KCNMA1: variants seen among roughly 807,000 people sequenced by gnomAD.
The protein encoded by KCNMA1 is potassium calcium-activated channel subfamily M alpha 1.
In KCNMA1, 29 loss-of-function variants were observed where a neutral mutation model predicts 140.0. The ratio of observed to expected loss-of-function variants is 0.21; its 90% CI spans 0.15 to 0.28. The LOEUF (loss-of-function observed/expected upper bound fraction) is 0.28. Ranked by LOEUF, KCNMA1 falls within the 10% of genes least tolerant of loss-of-function variation. KCNMA1 has a pLI of 1.00. For missense variants in KCNMA1, 880 were observed against 1,602.2 expected, an observed-to-expected ratio of 0.55 and a Z score of 7.70; for synonymous variants, 612 against 611.9, an observed-to-expected ratio of 1.00 and a Z score of 0.00.
chr10:76,974,340 G>A, intron 19 of KCNMA1: 1 of 506,730 alleles, frequency 2.0e-6, no homozygotes, highest in South Asian at 3.3e-5. Flanking sequence ...TTCCCTTTTG[G>A]TATTTTGCTG....
At chr10:77,348,856 T>C (rs1051441485) in intron 2 of KCNMA1, among the ~76,000 whole-genome samples, 2 of 152,286 alleles carry the variant, frequency 1.3e-5, no homozygotes, top group East Asian at 1.9e-4. Context: ...TTAGGGCATA[T>C]CTTTGCAAAG....
chr10:76,967,846 T>C (rs7912269), intron 20 of KCNMA1, among the ~76,000 whole-genome samples: 16,844 of 152,080 alleles, frequency 0.11, 1,377 homozygotes, highest in African/African-American at 0.23. Context: ...TGATGTACCA[T>C]GAAACAGACA....
At chr10:77,010,138 G>C (rs2153448503) in intron 18 of KCNMA1, among the ~76,000 whole-genome samples, 1 of 152,272 alleles carries the variant, frequency 6.6e-6, no homozygotes, top group Non-Finnish European at 1.5e-5. Context: ...GGGGTTATTG[G>C]CCTCACCTTT....
chr10:77,499,937 G>A (rs1603630053), intron 1 of KCNMA1, among the ~76,000 whole-genome samples: 1 of 152,178 alleles, frequency 6.6e-6, no homozygotes, highest in Non-Finnish European at 1.5e-5. Context: ...AAGCATGAGT[G>A]TAATATTATG....
chr10:77,295,070 G>A (rs939673575), intron 2 of KCNMA1, among the ~76,000 whole-genome samples: 5 of 151,922 alleles, frequency 3.3e-5, no homozygotes, highest in Admixed American at 2.0e-4. Context: ...GTGTGAGGCC[G>A]GGTGTGGTGG....
chr10:76,964,364 C>G (rs926159828), intron 20 of KCNMA1, among the ~76,000 whole-genome samples: 2 of 152,128 alleles, frequency 1.3e-5, no homozygotes, highest in Admixed American at 1.3e-4. Context: ...GTTTGGGAGA[C>G]AGCCTGGGAG....
chr10:76,872,804 T>G (rs1467467016), downstream of KCNMA1: 1 of 152,232 alleles, frequency 6.6e-6, no homozygotes, highest in Non-Finnish European at 1.5e-5. Context: ...TCTTCTTTCT[T>G]TCAACCCAAA....
intron 2 of KCNMA1, among the ~76,000 whole-genome samples, chr10:77,270,734 C>T (rs1007660411): frequency 6.6e-6 from 1 of 151,496 alleles, no homozygotes; most frequent in Non-Finnish European, 1.5e-5. Flanking sequence ...AAGTGATTGG[C>T]CTGCCTCGGC....
intron 2 of KCNMA1, among the ~76,000 whole-genome samples, chr10:77,375,926 T>A (rs1408645861): frequency 1.3e-5 from 2 of 152,188 alleles, no homozygotes; most frequent in Non-Finnish European, 2.9e-5. Context: ...CTCTGCACAG[T>A]CCTGCTGCCT....
At chr10:77,146,186 TTAGGGGACGA>T (rs1171828371) in intron 5 of KCNMA1, among the ~76,000 whole-genome samples, 2 of 152,166 alleles carry the variant, frequency 1.3e-5, no homozygotes, top group African/African-American at 4.8e-5. Context: ...CTACATAATT[TTAGGGGACGA>T]TCCACCAGCC....
intron 3 of KCNMA1, among the ~76,000 whole-genome samples, chr10:77,215,153 C>A (rs2047311915): frequency 6.6e-6 from 1 of 152,118 alleles, no homozygotes. Context: ...AATGCTACCA[C>A]CAGCGACTTG....
intron 3 of KCNMA1, among the ~76,000 whole-genome samples, chr10:77,248,446 C>A (rs1324165730): frequency 6.6e-6 from 1 of 152,140 alleles, no homozygotes; most frequent in Non-Finnish European, 1.5e-5. Context: ...GTGGGAAAGC[C>A]TATAGACTGT....
At chr10:77,605,641 C>A (rs898139560) in intron 1 of KCNMA1, among the ~76,000 whole-genome samples, 1 of 152,280 alleles carries the variant, frequency 6.6e-6, no homozygotes, top group Middle Eastern at 3.4e-3. Flanking sequence ...GGAGCAAGCC[C>A]CGAGCAGCCT....
intron 2 of KCNMA1, among the ~76,000 whole-genome samples, chr10:77,390,163 C>T (rs1442094232): frequency 1.3e-5 from 2 of 152,134 alleles, no homozygotes; most frequent in Admixed American, 6.5e-5. Context: ...CTACTGCGGC[C>T]CCCTCTATTT....
At chr10:77,619,601 T>C (rs975503550) in intron 1 of KCNMA1, among the ~76,000 whole-genome samples, 1 of 152,080 alleles carries the variant, frequency 6.6e-6, no homozygotes, top group Non-Finnish European at 1.5e-5. Flanking sequence ...AGGGCCTGCT[T>C]TGATGACCAG....
At position 76,979,006 on chromosome 10, in the gene KCNMA1, G is replaced by A. The variant is rs144771451; in HGVS notation, c.2267-8939C>T. The stretch of plus-strand genomic sequence containing the variant: ...AACTATCATTTATCTTGATTCCTGA[G>A]GTTTTGGGTCTCCTCTTAAATTTGG... On this transcript the variant is annotated intron_variant, in intron 19 of 27. Transcript: ENST00000286628. Among the ~76,000 whole-genome samples, 1,137 of 152,122 alleles carry A rather than the reference G, an allele frequency of 7.5e-3. 8 individuals are homozygous for A. Among genetic ancestry groups the A allele is most frequent in the African/African-American group, 0.025 (1,025 of 41,474 alleles).
intron 1 of KCNMA1, among the ~76,000 whole-genome samples, chr10:77,543,282 C>T (rs925889119): frequency 1.3e-5 from 2 of 152,172 alleles, no homozygotes; most frequent in Admixed American, 1.3e-4. Context: ...CCCTATAATG[C>T]TCCCAGGCAT....
chr10:77,345,796 C>A (rs1344960906), intron 2 of KCNMA1, among the ~76,000 whole-genome samples: 1 of 152,188 alleles, frequency 6.6e-6, no homozygotes, highest in Non-Finnish European at 1.5e-5. Context: ...TTGAACACGG[C>A]TTTGTGCTTG....
chr10:77,067,599 C>A (rs192809735), intron 14 of KCNMA1, among the ~76,000 whole-genome samples: 1 of 152,338 alleles, frequency 6.6e-6, no homozygotes, highest in Admixed American at 6.5e-5. Context: ...TCATCCCCAG[C>A]CCTTCAGCTC....
Sources: allele counts gnomAD v4.1 joint callset (sites outside exome capture counted in the v4.1 genomes callset), GRCh38; gene constraint gnomAD v4.1.1; transcripts MANE v1.5; gene names NCBI Gene and HGNC (gene_info 2026-07-23, HGNC 2026-07-21).